Variants in CACNA2D1 observed in about 807,000 individuals in gnomAD.
CACNA2D1 encodes calcium voltage-gated channel auxiliary subunit alpha2delta 1.
A neutral mutation model predicts 171.5 loss-of-function variants in CACNA2D1; 53 were observed. That is an observed-to-expected ratio of 0.31 (90% CI 0.25 to 0.39). The LOEUF is 0.39. Among genes scored for constraint, CACNA2D1 ranks in the 10% least tolerant of loss-of-function variants. The probability of loss-of-function intolerance (pLI) is 1.00; values close to 1 mark genes in which losing one functional copy is unlikely to be tolerated. For missense variants in CACNA2D1, 903 were observed against 1,299.8 expected (o/e 0.69, Z 4.69); for synonymous variants, 442 against 443.1 (o/e 1.00, Z 0.03).
At chr7:82,023,565 G>A (rs2131048978) in intron 12 of CACNA2D1, among the ~76,000 whole-genome samples, 1 of 147,092 alleles carries the variant, frequency 6.8e-6, no homozygotes, top group South Asian at 2.1e-4. Flanking sequence ...AGAGGCTTGG[G>A]GGAAAACAAA....
intron 18 of CACNA2D1, among the ~76,000 whole-genome samples, chr7:82,003,089 G>A (rs1798768969): frequency 1.3e-5 from 2 of 151,992 alleles, no homozygotes; most frequent in South Asian, 4.1e-4. Flanking sequence ...ATCCTTTTAT[G>A]AGGTCTTGTA....
At chr7:82,221,279 T>G (rs1218682904) in intron 3 of CACNA2D1, among the ~76,000 whole-genome samples, 1 of 152,186 alleles carries the variant, frequency 6.6e-6, no homozygotes, top group Non-Finnish European at 1.5e-5. Flanking sequence ...ACCACACTTT[T>G]GCGAACTGTG....
intron 5 of CACNA2D1, among the ~76,000 whole-genome samples, chr7:82,118,221 C>T (rs1004133727): frequency 1.1e-4 from 16 of 152,106 alleles, no homozygotes; most frequent in Admixed American, 7.2e-4. Flanking sequence ...ACTTTTGATA[C>T]TGAATTACCT....
chr7:82,046,476 T>C (rs866669084), intron 10 of CACNA2D1, among the ~76,000 whole-genome samples: 1 of 152,166 alleles, frequency 6.6e-6, no homozygotes, highest in African/African-American at 2.4e-5. Context: ...TATCTCTTCT[T>C]TAATCAATTT....
chr7:82,028,436 T>TTGTGTTA (rs1336755661), intron 12 of CACNA2D1: 1 of 151,856 alleles, frequency 6.6e-6, no homozygotes, highest in African/African-American at 2.4e-5. Context: ...TAACACAACT[T>TTGTGTTA]GCATTTTGTA....
intron 38 of CACNA2D1, among the ~76,000 whole-genome samples, chr7:81,952,134 G>A (rs1448197446): frequency 6.6e-6 from 1 of 151,008 alleles, no homozygotes. Flanking sequence ...ATCATTTTTT[G>A]AGAACTGTCT....
chr7:82,033,832 A>G (rs1802998557), intron 11 of CACNA2D1, among the ~76,000 whole-genome samples: 1 of 152,108 alleles, frequency 6.6e-6, no homozygotes, highest in Non-Finnish European at 1.5e-5. Flanking sequence ...TAACTTTTCT[A>G]CTGTTGTGAA....
intron 21 of CACNA2D1, among the ~76,000 whole-genome samples, chr7:81,988,522 G>A (rs1359710427): frequency 6.6e-6 from 1 of 152,114 alleles, no homozygotes; most frequent in Non-Finnish European, 1.5e-5. Flanking sequence ...TCCCATAAAA[G>A]CTTATGTGTA....
intron 3 of CACNA2D1, among the ~76,000 whole-genome samples, chr7:82,191,952 G>A (rs114514179): frequency 3.3e-4 from 50 of 151,886 alleles, no homozygotes; most frequent in African/African-American, 1.1e-3. Flanking sequence ...TATTGTGAGT[G>A]TAAGCACTCT....
At chr7:82,078,599 A>AT (rs1162261007) in intron 7 of CACNA2D1, among the ~76,000 whole-genome samples, 2 of 152,228 alleles carry the variant, frequency 1.3e-5, no homozygotes, top group African/African-American at 4.8e-5. Context: ...GTTCCTAATC[A>AT]TATCTATGTC....
chr7:82,060,167 TATATATATA>T lies in CACNA2D1; in HGVS notation c.879+252_879+260del, dbSNP rs1806504678. 1.1e-3 allele frequency among the ~76,000 whole-genome samples: 14 copies of T among 12,634 alleles called. 3 individuals carry two copies. The highest frequency in any genetic ancestry group is 2.5e-3 in the Non-Finnish European group (12 of 4,824). 8.3% of individuals were successfully genotyped at this position (12,634 alleles called of 152,430 possible). ...ATATATATGTATTATATATATATAA[TATATATATA>T]TAATATATATATATTATATATATAT... is the stretch of plus-strand genomic sequence containing the variant. On this transcript the variant is annotated intron_variant, in intron 10 of 38. Coordinates refer to ENST00000356860, the MANE Select transcript of CACNA2D1 (RefSeq NM_000722.4).
chr7:82,202,610 CAAG>C (rs1799568947), intron 3 of CACNA2D1, among the ~76,000 whole-genome samples: 1 of 152,092 alleles, frequency 6.6e-6, no homozygotes, highest in African/African-American at 2.4e-5. Context: ...GACCGCGGTA[CAAG>C]AAGTACACAC....
At chr7:82,058,600 A>C (rs1244764532) in intron 10 of CACNA2D1, among the ~76,000 whole-genome samples, 1 of 152,186 alleles carries the variant, frequency 6.6e-6, no homozygotes, top group Non-Finnish European at 1.5e-5. Context: ...GATAGATTGT[A>C]AAATCAGACT....
chr7:82,086,908 A>C (rs540560370), intron 6 of CACNA2D1, among the ~76,000 whole-genome samples: 1 of 152,268 alleles, frequency 6.6e-6, no homozygotes, highest in South Asian at 2.1e-4. Flanking sequence ...GGAAAAAGTC[A>C]AGCTCTACAA....
intron 3 of CACNA2D1, among the ~76,000 whole-genome samples, chr7:82,193,790 G>T (rs1297740164): frequency 1.3e-5 from 2 of 151,942 alleles, no homozygotes; most frequent in African/African-American, 2.4e-5. Flanking sequence ...GATATGTTTT[G>T]TGTTTGTCTT....
chr7:82,209,485 C>A (rs1045271186), intron 3 of CACNA2D1, among the ~76,000 whole-genome samples: 4 of 152,090 alleles, frequency 2.6e-5, no homozygotes, highest in Non-Finnish European at 4.4e-5. Flanking sequence ...TGAACCGAAG[C>A]CCCCAGCTTG....
chr7:82,355,955 C>G (rs1301135031), intron 1 of CACNA2D1, among the ~76,000 whole-genome samples: 2 of 152,108 alleles, frequency 1.3e-5, no homozygotes, highest in Non-Finnish European at 2.9e-5. Flanking sequence ...ATCTTCCCCC[C>G]TCCCCATACT....
chr7:82,209,843 C>T (rs1280032892), intron 3 of CACNA2D1, among the ~76,000 whole-genome samples: 1 of 152,126 alleles, frequency 6.6e-6, no homozygotes, highest in East Asian at 1.9e-4. Context: ...TAAAAATTAA[C>T]AAACTGAAGT....
intron 1 of CACNA2D1, among the ~76,000 whole-genome samples, chr7:82,375,097 C>G (rs1344776396): frequency 1.3e-5 from 2 of 152,122 alleles, no homozygotes; most frequent in Non-Finnish European, 2.9e-5. Context: ...AAAATTGGCA[C>G]TCCCTCCTGG....
Sources: gnomAD v4.1 joint callset for allele counts (sites outside exome capture counted in the v4.1 genomes callset) on GRCh38, gnomAD v4.1.1 for gene constraint, MANE v1.5 for transcripts, NCBI Gene and HGNC (gene_info 2026-07-23, HGNC 2026-07-21) for gene names.